VPS13C: variants seen among roughly 807,000 people sequenced by gnomAD.
VPS13C encodes the protein vacuolar protein sorting 13 homolog C.
Under a neutral mutation model 456.8 loss-of-function variants are expected in VPS13C, and 358 were observed. The ratio of observed to expected loss-of-function variants is 0.78; its 90% confidence interval spans 0.72 to 0.86. The LOEUF (loss-of-function observed/expected upper bound fraction) is 0.86, where lower values mean the gene tolerates loss of function less well. Ranked by LOEUF, VPS13C falls within the 40% of genes least tolerant of loss-of-function variation. VPS13C has a pLI of 0.00. For synonymous variants in VPS13C, 1,578 were observed against 1,486.7 expected (o/e 1.06, Z -1.41); for missense variants, 4,818 against 4,385.4 (o/e 1.10, Z -2.79).
intron 79 of VPS13C, among the ~76,000 whole-genome samples, chr15:61,870,263 G>A (rs1894920499): frequency 6.6e-6 from 1 of 151,520 alleles, no homozygotes; most frequent in Admixed American, 6.6e-5. Flanking sequence ...ATCTTACTCA[G>A]TGTACCTCCA....
At chr15:61,911,341 A>G (rs1221724609) in intron 63 of VPS13C, among the ~76,000 whole-genome samples, 3 of 152,210 alleles carry the variant, frequency 2.0e-5, no homozygotes, top group Non-Finnish European at 4.4e-5. Flanking sequence ...GACTTTATCA[A>G]TCTTGGAAAA....
At chr15:61,991,865 C>T (rs554136520) in intron 16 of VPS13C, 63 bp from the exon 17 acceptor site, 1 of 1,523,796 alleles carries the variant, frequency 6.6e-7, no homozygotes, top group Non-Finnish European at 8.8e-7. Context: ...TCAGGTGTAG[C>T]CTGGGAAAAA....
At chr15:61,926,490 A>G (rs10459634) in intron 52 of VPS13C, among the ~76,000 whole-genome samples, 19,357 of 152,234 alleles carry the variant, frequency 0.13, 1,367 homozygotes, top group East Asian at 0.31. Context: ...TTCATGATAA[A>G]GTATAGACTT....
chr15:61,956,691 T>A (rs780414203), intron 37 of VPS13C, among the ~76,000 whole-genome samples: 6 of 152,092 alleles, frequency 3.9e-5, no homozygotes, highest in Non-Finnish European at 8.8e-5. Context: ...AATAACCATA[T>A]GAAAAGGTGA....
At chr15:61,981,104 C>A (rs1268370302) in intron 22 of VPS13C, among the ~76,000 whole-genome samples, 2 of 152,172 alleles carry the variant, frequency 1.3e-5, no homozygotes, top group African/African-American at 4.8e-5. Flanking sequence ...TAGGAAAAGG[C>A]AGATGTAATC....
chr15:61,863,015 G>A (rs928193295), intron 82 of VPS13C, among the ~76,000 whole-genome samples: 4 of 152,116 alleles, frequency 2.6e-5, no homozygotes, highest in African/African-American at 9.7e-5. Flanking sequence ...GAAAAGCTGA[G>A]ATAAACATAT....
intron 9 of VPS13C, among the ~76,000 whole-genome samples, chr15:62,019,003 G>A (rs993970214): frequency 6.6e-6 from 1 of 152,052 alleles, no homozygotes; most frequent in African/African-American, 2.4e-5. Flanking sequence ...ACTTCTTCCT[G>A]GTTTAGTCTT....
At chr15:62,035,478 A>AAT (rs538072610) in intron 3 of VPS13C, among the ~76,000 whole-genome samples, 18 of 152,036 alleles carry the variant, frequency 1.2e-4, no homozygotes, top group Non-Finnish European at 2.5e-4. Context: ...TGATAGTCTT[A>AAT]ATATTGCACA....
At chr15:61,953,232 T>C (rs1269998597) in intron 38 of VPS13C, among the ~76,000 whole-genome samples, 1 of 151,722 alleles carries the variant, frequency 6.6e-6, no homozygotes, top group Non-Finnish European at 1.5e-5. Context: ...TTTTAATTTA[T>C]TTTATTTTAT....
At chr15:62,008,345 A>T (rs2140495872) in intron 14 of VPS13C, among the ~76,000 whole-genome samples, 1 of 152,208 alleles carries the variant, frequency 6.6e-6, no homozygotes, top group Non-Finnish European at 1.5e-5. Flanking sequence ...AGTTGCAGTG[A>T]GCCAAGATCA....
At chr15:61,860,134 A>G (rs2140841284) in intron 82 of VPS13C, among the ~76,000 whole-genome samples, 1 of 152,322 alleles carries the variant, frequency 6.6e-6, no homozygotes, top group South Asian at 2.1e-4. Flanking sequence ...CTTTAAATTC[A>G]GTAAGAAAAA....
chr15:61,923,207 T>G (rs190465344), intron 53 of VPS13C, among the ~76,000 whole-genome samples: 1 of 109,576 alleles, frequency 9.1e-6, no homozygotes, highest in Non-Finnish European at 2.0e-5. Context: ...CAAGATCTTC[T>G]GAAAAAAAAA....
intron 66 of VPS13C, among the ~76,000 whole-genome samples, chr15:61,903,693 A>G (rs535412366): frequency 6.6e-6 from 1 of 152,346 alleles, no homozygotes; most frequent in African/African-American, 2.4e-5. Flanking sequence ...AGTAATCCTG[A>G]GCAAAAAGAA....
At chr15:62,029,007 T>C (rs192437403) in intron 5 of VPS13C, among the ~76,000 whole-genome samples, 1 of 152,186 alleles carries the variant, frequency 6.6e-6, no homozygotes, top group Admixed American at 6.5e-5. Flanking sequence ...ATGTCATTCT[T>C]TGGACTCTTA....
Position 61,873,281 on chromosome 15 carries a change from C to T in VPS13C, c.10543G>A (p.Asp3515Asn), listed in dbSNP as rs370851132. ...CCCTTTCCTCCTCTGGCCAGGCTGT[C>T]TCCAAAATCTCTGGGCTGTCGACTC... The part of the protein sequence containing the change: ...ELSRQPRDFG[D>N]SLARGGKGFL... The change falls in exon 78 of 85, where the codon GAC becomes AAC. Residue 3515 changes from aspartate to asparagine, a missense_variant. Physicochemically the swap from Asp to Asn is conservative, Grantham distance 23. Coordinates refer to ENST00000644861, the MANE Select transcript of VPS13C (RefSeq NM_020821.3). The T allele has an allele frequency of 6.2e-7, 1 of 1,613,680 alleles. No homozygotes were observed. The highest frequency in any genetic ancestry group is 8.5e-7 in the Non-Finnish European group (1 of 1,179,706).
chr15:62,018,881 C>T (rs1328668977), intron 9 of VPS13C, among the ~76,000 whole-genome samples: 1 of 152,110 alleles, frequency 6.6e-6, no homozygotes, highest in Non-Finnish European at 1.5e-5. Flanking sequence ...CCTCCTTGTA[C>T]CTCTGGTAGA....
chr15:61,934,132 A>G, intron 49 of VPS13C, 87 bp downstream of exon 49: 1 of 767,278 alleles, frequency 1.3e-6, no homozygotes, highest in Non-Finnish European at 2.0e-6. Context: ...TTTTAATGAA[A>G]AGTCCCACAC....
chr15:61,992,876 T>C (rs768430046), intron 16 of VPS13C, among the ~76,000 whole-genome samples: 1 of 150,348 alleles, frequency 6.7e-6, no homozygotes, highest in Non-Finnish European at 1.5e-5. Context: ...AAAGAGGTAT[T>C]TTTTTTTTAA....
At chr15:61,915,552 G>T in intron 61 of VPS13C, 81 bp downstream of exon 61, 1 of 1,405,832 alleles carries the variant, frequency 7.1e-7, no homozygotes. Context: ...GGTTAGCATG[G>T]TTTTAGGGAA....
Sources: gnomAD v4.1 joint callset for allele counts (sites outside exome capture counted in the v4.1 genomes callset) on GRCh38, gnomAD v4.1.1 for gene constraint, MANE v1.5 for transcripts, NCBI Gene and HGNC (gene_info 2026-07-23, HGNC 2026-07-21) for gene names.